The following DLC1 variants were observed in gnomAD, a reference collection of about 807,000 sequenced individuals.
The protein encoded by DLC1 is rho GTPase-activating protein 7.
DLC1 carries 54 observed loss-of-function variants against 140.3 expected under a neutral mutation model. That is an observed-to-expected ratio of 0.38 (90% CI 0.31 to 0.48). The LOEUF (loss-of-function observed/expected upper bound fraction) is 0.48. Ranked by LOEUF, DLC1 falls within the 20% of genes least tolerant of loss-of-function variation. The pLI is 0.96. For synonymous variants in DLC1, 986 were observed against 728.1 expected (o/e 1.35, Z -5.70); for missense variants, 2,536 against 1,907.0 (o/e 1.33, Z -6.14).
At chr8:13,500,382 A>G (rs1585211307) in intron 1 of DLC1, among the ~76,000 whole-genome samples, 186 bp from the exon 2 acceptor site, 1 of 152,238 alleles carries the variant, frequency 6.6e-6, no homozygotes, top group Admixed American at 6.5e-5. Context: ...AACATTGAAT[A>G]TTTCTGATAA....
intron 5 of DLC1, among the ~76,000 whole-genome samples, chr8:13,192,023 C>G (rs1043137728): frequency 6.6e-6 from 1 of 150,576 alleles, no homozygotes; most frequent in Admixed American, 6.6e-5. Context: ...CTCACTGCAG[C>G]CTCTGCCTCC....
chr8:13,122,137 T>C (rs77994827), intron 5 of DLC1, among the ~76,000 whole-genome samples: 2,694 of 152,272 alleles, frequency 0.018, 70 homozygotes, highest in African/African-American at 0.062. Flanking sequence ...CTGGGCTGGT[T>C]TTATGAAACA....
intron 7 of DLC1, among the ~76,000 whole-genome samples, chr8:13,108,167 T>C (rs1038606201): frequency 6.6e-6 from 1 of 152,224 alleles, no homozygotes; most frequent in Non-Finnish European, 1.5e-5. Flanking sequence ...AGTCCATTTA[T>C]GTGGACATGT....
Position 13,092,719 on chromosome 8 carries a change from G to A in DLC1, c.3633C>T (p.Val1211=), listed in dbSNP as rs1396769810. 2 of 1,614,036 alleles carry A rather than the reference G, an allele frequency of 1.2e-6. No homozygotes were observed. Among genetic ancestry groups the A allele is most frequent in the Non-Finnish European group, 1.7e-6 (2 of 1,180,026 alleles). ...LQTLLYFLSD[V]TAAVKENQMT... is the part of the protein sequence containing the mutation. ...TCTGGTTTTCTTTTACGGCTGCTGTGACATCGCTCAGGAAATAAAGCAGGG... is the reference window on the plus strand; with the variant it reads ...TCTGGTTTTCTTTTACGGCTGCTGTAACATCGCTCAGGAAATAAAGCAGGG... Residue 1211 remains valine, a synonymous_variant, in exon 13 of 18, where the codon GTC becomes GTT. Transcript: ENST00000276297.
intron 4 of DLC1, among the ~76,000 whole-genome samples, chr8:13,386,826 G>T (rs17216024): frequency 6.6e-6 from 1 of 151,808 alleles, no homozygotes; most frequent in Non-Finnish European, 1.5e-5. Context: ...TGGTGACTCA[G>T]TTCTTCCTTA....
At chr8:13,178,704 T>C (rs1271660550) in intron 5 of DLC1, among the ~76,000 whole-genome samples, 2 of 151,454 alleles carry the variant, frequency 1.3e-5, no homozygotes, top group African/African-American at 2.4e-5. Flanking sequence ...CCCCAATTTA[T>C]AAAGAACTCC....
chr8:13,479,867 G>GAAGAAGAAGGGAA (rs1563383663), intron 2 of DLC1, among the ~76,000 whole-genome samples: 1 of 14,026 alleles, frequency 7.1e-5, no homozygotes, highest in African/African-American at 2.1e-4. Flanking sequence ...AAGAGAAAAA[G>GAAGAAGAAGGGAA]AAAGAAAGAA....
chr8:13,340,207 T>A (rs1244198938), intron 4 of DLC1: 2 of 152,268 alleles, frequency 1.3e-5, no homozygotes, highest in Non-Finnish European at 2.9e-5. Context: ...ATTTTTTATT[T>A]TTATTTTTTT....
chr8:13,276,346 T>G, intron 5 of DLC1: 3 of 1,525,124 alleles, frequency 2.0e-6, no homozygotes, highest in Non-Finnish European at 2.6e-6. Context: ...CTAAAGGACC[T>G]CCGGAGAGGG....
intron 15 of DLC1, 161 bp from the exon 16 acceptor site, chr8:13,088,865 G>A (rs1817795566): frequency 3.4e-6 from 2 of 583,886 alleles, no homozygotes; most frequent in Admixed American, 3.3e-5. Context: ...AAGAAATATT[G>A]GGGGCTAATA....
chr8:13,098,723 C>G (rs997764619), intron 9 of DLC1, 148 bp from the exon 10 acceptor site: 1 of 844,566 alleles, frequency 1.2e-6, no homozygotes, highest in African/African-American at 1.7e-5. Context: ...TCAAGTGATC[C>G]TCCTGCCTCA....
intron 4 of DLC1, among the ~76,000 whole-genome samples, chr8:13,327,598 T>C (rs1311502064): frequency 6.6e-6 from 1 of 152,030 alleles, no homozygotes. Context: ...GATTATAGGC[T>C]TAAGCCACTG....
chr8:13,177,857 T>C (rs963910680), intron 5 of DLC1, among the ~76,000 whole-genome samples: 2 of 152,182 alleles, frequency 1.3e-5, no homozygotes, highest in Non-Finnish European at 2.9e-5. Context: ...AATAGATTAA[T>C]AGTAGTGAAA....
chr8:13,319,394 A>G (rs1249163977), intron 4 of DLC1, among the ~76,000 whole-genome samples: 1 of 144,970 alleles, frequency 6.9e-6, no homozygotes, highest in Non-Finnish European at 1.5e-5. Context: ...CCCAAGTGAT[A>G]TGGTTTGGAT....
chr8:13,532,656 T>C (rs1303256272), intron 1 of DLC1, among the ~76,000 whole-genome samples: 1 of 152,160 alleles, frequency 6.6e-6, no homozygotes, highest in African/African-American at 2.4e-5. Context: ...GTGCAATCAT[T>C]CATTGCTCAC....
At chr8:13,510,151 A>T (rs1027771545) in intron 1 of DLC1, among the ~76,000 whole-genome samples, 8 of 148,284 alleles carry the variant, frequency 5.4e-5, no homozygotes, top group Admixed American at 2.8e-4. Flanking sequence ...AATGTGAGTG[A>T]AACACAATTA....
At chr8:13,325,703 T>C (rs1293798324) in intron 4 of DLC1, among the ~76,000 whole-genome samples, 1 of 152,198 alleles carries the variant, frequency 6.6e-6, no homozygotes, top group Non-Finnish European at 1.5e-5. Context: ...CGTTCGGCAT[T>C]ATCACTGATT....
intron 5 of DLC1, among the ~76,000 whole-genome samples, chr8:13,166,436 G>C (rs1463381926): frequency 1.3e-5 from 2 of 152,126 alleles, no homozygotes; most frequent in Non-Finnish European, 2.9e-5. Context: ...TGCCTCCCGG[G>C]TTCAAGCTAT....
intron 1 of DLC1, among the ~76,000 whole-genome samples, chr8:13,580,172 G>A (rs1234931688): frequency 6.6e-6 from 1 of 150,632 alleles, no homozygotes; most frequent in Non-Finnish European, 1.5e-5. Flanking sequence ...GTCCAGGCTG[G>A]AGTGCAGTGG....
Sources: gnomAD v4.1 joint callset for allele counts (sites outside exome capture counted in the v4.1 genomes callset) on GRCh38, gnomAD v4.1.1 for gene constraint, MANE v1.5 for transcripts, NCBI Gene and HGNC (gene_info 2026-07-23, HGNC 2026-07-21) for gene names.